The following RBFOX1 variants were observed in gnomAD, a reference collection of about 807,000 sequenced individuals.
The protein encoded by RBFOX1 is RNA binding fox-1 homolog 1.
A neutral mutation model predicts 57.7 loss-of-function variants in RBFOX1; 8 were observed. The ratio of observed to expected loss-of-function variants is 0.14; its 90% confidence interval spans 0.08 to 0.25. RBFOX1 has a LOEUF of 0.25. Ranked by LOEUF, RBFOX1 falls within the 10% of genes least tolerant of loss-of-function variation. The probability of loss-of-function intolerance (pLI) is 1.00; values close to 1 mark genes in which losing one functional copy is unlikely to be tolerated. For missense variants in RBFOX1, 611 were observed against 548.5 expected (o/e 1.11, Z -1.14); for synonymous variants, 326 against 222.4 (o/e 1.47, Z -4.15).
intron 4 of RBFOX1, among the ~76,000 whole-genome samples, chr16:7,515,122 C>T (rs2076073859): frequency 6.6e-6 from 1 of 152,148 alleles, no homozygotes; most frequent in Non-Finnish European, 1.5e-5. Context: ...TCAGATGATT[C>T]CCAAGATCCC....
At chr16:7,506,942 C>T (rs572736255) in intron 4 of RBFOX1, among the ~76,000 whole-genome samples, 125 of 152,312 alleles carry the variant, frequency 8.2e-4, no homozygotes, top group African/African-American at 2.9e-3. Context: ...CACAGTGGGA[C>T]ATATGTGCAT....
rs116166911 is a variant in RBFOX1, at chr16:5,698,425, G to A, written c.318+99464G>A. On this transcript the variant is annotated intron_variant, in intron 3 of 19. Transcript: ENST00000641259. ...ATTTTATGGTTATTGGCTTATTGTA[G>A]TTTCCTTACTTTTTCTTGAGTCCAT... 8.9e-3 allele frequency among the ~76,000 whole-genome samples: 1,359 copies of A among 152,166 alleles called. 30 individuals are homozygous for A. Among genetic ancestry groups the A allele is most frequent in the African/African-American group, 0.031 (1,299 of 41,532 alleles).
intron 3 of RBFOX1, among the ~76,000 whole-genome samples, chr16:6,944,007 T>G (rs1035694824): frequency 6.6e-6 from 1 of 151,960 alleles, no homozygotes; most frequent in Non-Finnish European, 1.5e-5. Flanking sequence ...TCAAACTCCT[T>G]TAAGTTTAAT....
intron 4 of RBFOX1, among the ~76,000 whole-genome samples, chr16:7,171,607 G>C (rs971437623): frequency 6.6e-6 from 1 of 152,148 alleles, no homozygotes; most frequent in African/African-American, 2.4e-5. Flanking sequence ...CTGAACCGTG[G>C]TGTCTTTATC....
At chr16:6,078,316 C>G (rs1047132290) in intron 1 of RBFOX1, among the ~76,000 whole-genome samples, 1 of 152,172 alleles carries the variant, frequency 6.6e-6, no homozygotes. Flanking sequence ...CAGCCCATGT[C>G]CCCCACAGGG....
intron 1 of RBFOX1, among the ~76,000 whole-genome samples, chr16:6,227,529 T>TCCA (rs2097427111): frequency 6.6e-6 from 1 of 152,064 alleles, no homozygotes. Flanking sequence ...AGTGGAAGTC[T>TCCA]GCAGGGTAGG....
chr16:5,849,595 C>T (rs1263938711), intron 3 of RBFOX1, among the ~76,000 whole-genome samples: 5 of 152,120 alleles, frequency 3.3e-5, no homozygotes, highest in Non-Finnish European at 4.4e-5. Flanking sequence ...GACTGTAAGC[C>T]GCAGTCACCA....
chr16:6,621,269 G>C (rs1349709578), intron 2 of RBFOX1, among the ~76,000 whole-genome samples: 1 of 152,046 alleles, frequency 6.6e-6, no homozygotes, highest in African/African-American at 2.4e-5. Flanking sequence ...AGAGTATCTT[G>C]GCTAACACGG....
intron 1 of RBFOX1, among the ~76,000 whole-genome samples, chr16:5,309,266 C>A (rs1166686085): frequency 6.6e-6 from 1 of 152,112 alleles, no homozygotes; most frequent in Admixed American, 6.6e-5. Flanking sequence ...TTTTCTCAGT[C>A]TCTTTTTATT....
At chr16:6,356,449 A>G (rs1349269105) in intron 2 of RBFOX1, among the ~76,000 whole-genome samples, 1 of 152,092 alleles carries the variant, frequency 6.6e-6, no homozygotes, top group Admixed American at 6.5e-5. Context: ...AAAAACTATT[A>G]ATATATTGGG....
intron 14 of RBFOX1, among the ~76,000 whole-genome samples, chr16:7,697,210 T>G (rs937658494): frequency 6.6e-6 from 1 of 152,086 alleles, no homozygotes; most frequent in Non-Finnish European, 1.5e-5. Flanking sequence ...TGGCTTGGGT[T>G]AGTGGGGTGG....
chr16:6,288,120 A>G (rs2077081648), intron 1 of RBFOX1, among the ~76,000 whole-genome samples: 1 of 152,192 alleles, frequency 6.6e-6, no homozygotes, highest in Non-Finnish European at 1.5e-5. Context: ...GTGAGATGTG[A>G]AGCTCTCATT....
intron 4 of RBFOX1, among the ~76,000 whole-genome samples, chr16:7,441,483 G>C (rs9922939): frequency 0.022 from 3,315 of 152,182 alleles, 114 homozygotes; most frequent in African/African-American, 0.076. Context: ...AGCGTCACTG[G>C]GTAGTGGTAA....
At chr16:7,524,527 C>T (rs1055544774) in intron 5 of RBFOX1, among the ~76,000 whole-genome samples, 3 of 152,184 alleles carry the variant, frequency 2.0e-5, no homozygotes, top group African/African-American at 7.2e-5. Flanking sequence ...GTGGTGAATT[C>T]TCCATGTATC....
At chr16:5,934,236 C>G (rs1425707969) in intron 4 of RBFOX1, among the ~76,000 whole-genome samples, 1 of 152,234 alleles carries the variant, frequency 6.6e-6, no homozygotes, top group Non-Finnish European at 1.5e-5. Context: ...TTGGTGCAAA[C>G]ACAGCTTTAA....
intron 4 of RBFOX1, among the ~76,000 whole-genome samples, chr16:7,204,852 C>G (rs540453668): frequency 6.6e-6 from 1 of 152,168 alleles, no homozygotes; most frequent in South Asian, 2.1e-4. Flanking sequence ...CTGGCATTCG[C>G]CATTCTACTC....
rs947041057 is a variant in RBFOX1, at chr16:7,660,831, A to G, written c.891-4098A>G. On this transcript the variant is annotated intron_variant, in intron 12 of 15. Transcript: ENST00000550418. ...AGTCCTCCAGGTGATTCTGCTACAC[A>G]TTCAAGTTTGACCACCACTGCCTGC... Among the ~76,000 whole-genome samples, 8 of 152,322 alleles carry G rather than the reference A, an allele frequency of 5.3e-5. No individual in the cohort carries two copies. In the East Asian group the frequency reaches 1.5e-3, roughly 29 times the overall value.
At chr16:7,520,990 G>A (rs750892224) in intron 5 of RBFOX1, among the ~76,000 whole-genome samples, 3 of 152,234 alleles carry the variant, frequency 2.0e-5, no homozygotes, top group Admixed American at 6.5e-5. Context: ...AACTTAGTAT[G>A]AGAGGCAGAA....
At chr16:7,543,703 GTGTGTGTGTGTGTGTGTT>G (rs1567750262) in intron 5 of RBFOX1, among the ~76,000 whole-genome samples, 1 of 106,084 alleles carries the variant, frequency 9.4e-6, no homozygotes, top group African/African-American at 4.9e-5. Context: ...GTGTGTGTGT[GTGTGTGTGTGTGTGTGTT>G]TATTTTTTAT....
Sources: allele counts gnomAD v4.1 joint callset (sites outside exome capture counted in the v4.1 genomes callset), GRCh38; gene constraint gnomAD v4.1.1; transcripts MANE v1.5; gene names NCBI Gene and HGNC (gene_info 2026-07-23, HGNC 2026-07-21).